The following SUPT6H variants were observed in gnomAD, a reference collection of about 807,000 sequenced individuals.
SUPT6H encodes the protein SPT6 homolog, histone chaperone and transcription elongation factor.
Under a neutral mutation model 222.3 loss-of-function variants are expected in SUPT6H, and 11 were observed. That is an observed-to-expected ratio of 0.05 (90% CI 0.03 to 0.08). SUPT6H has a LOEUF of 0.08. Ranked by LOEUF, SUPT6H falls within the 10% of genes least tolerant of loss-of-function variation. The pLI, the probability that SUPT6H is intolerant of heterozygous loss-of-function variation, is 1.00. For missense variants in SUPT6H, 1,422 were observed against 2,216.0 expected (o/e 0.64, Z 7.19); for synonymous variants, 762 against 801.2 (o/e 0.95, Z 0.83).
intron 1 of SUPT6H, 74 bp from the exon 2 acceptor site, chr17:28,673,297 T>G: frequency 2.4e-6 from 2 of 831,232 alleles, no homozygotes; most frequent in Non-Finnish European, 3.9e-6. Context: ...AAAAGGCTGT[T>G]TGTGGGAAGG....
Position 28,693,810 on chromosome 17 carries a change from G to A in SUPT6H, c.3748G>A (p.Val1250Ile), listed in dbSNP as rs1213277627. 6.2e-7 allele frequency: 1 copy of A among 1,614,086 alleles called. No homozygotes were observed. Among genetic ancestry groups the A allele is most frequent in the African/African-American group, 1.3e-5 (1 of 74,928 alleles). ...CACCAAATTCCTCAGTGACAAAGTG[G>A]TAAAGCGGCCAGAAGAACGAGTGAA... is the stretch of plus-strand genomic sequence containing the variant. ...IPTKFLSDKV[V>I]KRPEERVKVG... Residue 1250 changes from valine (V) to isoleucine (I), a missense_variant, in exon 28 of 37, where the codon GTA (valine) becomes ATA (isoleucine). Val to Ile is a conservative substitution (Grantham distance 29). Coordinates refer to ENST00000314616, the MANE Select transcript of SUPT6H (RefSeq NM_003170.5).
chr17:28,694,828 AC>A (rs35124039), intron 28 of SUPT6H, among the ~76,000 whole-genome samples: 3 of 152,028 alleles, frequency 2.0e-5, no homozygotes, highest in South Asian at 2.1e-4. Flanking sequence ...ACATGGTGAA[AC>A]CCCGTCTCTA....
At position 28,669,209 on chromosome 17, in the gene SUPT6H, T is replaced by G. The variant is rs182932537; in HGVS notation, c.-31-4162T>G. Among the ~76,000 whole-genome samples, 24 of 152,350 alleles carry G rather than the reference T, an allele frequency of 1.6e-4. 1 individual carries two copies. Among genetic ancestry groups the G allele is most frequent in the Admixed American group, 1.2e-3 (18 of 15,300 alleles). On this transcript the variant is annotated intron_variant, in intron 1 of 36. Transcript: ENST00000314616. ...CAGTAGTTTTTTGGGTTTTTTTGTT[T>G]GTTTGTTTGTTTTGAGACGGAGTCT...
intron 32 of SUPT6H, 37 bp from the exon 33 acceptor site, chr17:28,699,744 A>C (rs2032058350): frequency 6.4e-7 from 1 of 1,573,206 alleles, no homozygotes; most frequent in Non-Finnish European, 8.7e-7. Context: ...GTGGGTCCCA[A>C]GTGGTTTCTG....
chr17:28,687,403 C>T lies in SUPT6H; in HGVS notation c.2938C>T (p.Pro980Ser). 2 of 1,614,190 alleles carry T rather than the reference C, an allele frequency of 1.2e-6. No homozygotes were observed. Among genetic ancestry groups the T allele is most frequent in the Non-Finnish European group, 1.7e-6 (2 of 1,180,036 alleles). ...CGATGTCAACCGTGCCATTGCCCAC[C>T]CTTACAGCCAGGCCTTGATCCAGTA... ...GVDVNRAIAH[P>S]YSQALIQYVC... The change falls in exon 23 of 37, where the codon CCT (proline) becomes TCT (serine). Residue 980 changes from proline (P) to serine (S), a missense_variant. By Grantham distance (74) the Pro-to-Ser change is moderately conservative (BLOSUM62 -1). Coordinates refer to ENST00000314616, the MANE Select transcript of SUPT6H (RefSeq NM_003170.5).
In SUPT6H at chr17:28,701,682, A is replaced by G. The variant is rs1597725352; in HGVS notation, c.*57A>G. On this transcript the variant is annotated 3_prime_UTR_variant, in exon 37 of 37. Transcript: ENST00000314616. Reference sequence around the variant, plus strand: ...GAGGCTGGGAAAGGCCTGGCTGCCCACTGCCTCCCTCCCTGCCCCTCCTTT... The same window carrying G: ...GAGGCTGGGAAAGGCCTGGCTGCCCGCTGCCTCCCTCCCTGCCCCTCCTTT... 1.8e-5 allele frequency: 27 copies of G among 1,519,696 alleles called. No individual in the cohort carries two copies. In the South Asian group the frequency reaches 3.2e-4, roughly 18 times the overall value. The allele number at this position is 1,519,696 out of a possible 1,614,324, so 94.1% of individuals were successfully genotyped here.
At chr17:28,678,721 C>T in intron 10 of SUPT6H, 87 bp downstream of exon 10, 4 of 1,610,224 alleles carry the variant, frequency 2.5e-6, no homozygotes. Flanking sequence ...CCCCCCAGGC[C>T]TGTCTAGTCC....
At chr17:28,671,635 C>G (rs2030423914) in intron 1 of SUPT6H, among the ~76,000 whole-genome samples, 2 of 152,174 alleles carry the variant, frequency 1.3e-5, no homozygotes, top group African/African-American at 4.8e-5. Context: ...AAGATCCCTA[C>G]TGTCGTTTCC....
In SUPT6H at chr17:28,693,629, G is replaced by A. The variant is rs945560115; in HGVS notation, c.3634-67G>A. 3.2e-6 allele frequency: 5 copies of A among 1,586,012 alleles called. No individual in the cohort carries two copies. In the African/African-American group the frequency reaches 5.4e-5, roughly 17 times the overall value. On this transcript the variant is annotated intron_variant, in intron 27 of 36. Transcript: ENST00000314616. ...AAAAGAAATTACAACACCTCTGGGA[G>A]CTCTTTTCTGAATGAGCGATCTCCA...
intron 1 of SUPT6H, among the ~76,000 whole-genome samples, chr17:28,663,374 G>C (rs2072101515): frequency 6.6e-6 from 1 of 152,100 alleles, no homozygotes; most frequent in South Asian, 2.1e-4. Context: ...GATTGGATTA[G>C]CATAGCCTTG....
At position 28,674,353 on chromosome 17, in the gene SUPT6H, C is replaced by CGATGAT. The variant is rs758970671; in HGVS notation, c.186_191dup (p.Asp62_Asp63dup). 1 of 1,613,974 alleles carries CGATGAT rather than the reference C, an allele frequency of 6.2e-7. No homozygotes were observed. The highest frequency in any genetic ancestry group is 2.2e-5 in the East Asian group (1 of 44,880). On this transcript the variant is annotated inframe_insertion, in exon 3 of 37. Transcript: ENST00000314616. ...GCAACTTGAAAGGCTTTATCAATGA[C>CGATGAT]GATGATGATGAAGATGAAGGGGAGG...
rs557948630 is a variant in SUPT6H at position 28,689,606 on chromosome 17, T to C, written c.3342+45T>C. On this transcript the variant is annotated intron_variant, in intron 25 of 36. Transcript: ENST00000314616. ...GCCCGGCAGGAGAACCCATCCCAAG[T>C]GGCCAGGTTGGTAGGAGACTTGGGC... is the stretch of plus-strand genomic sequence containing the variant. 6.3e-6 allele frequency: 10 copies of C among 1,594,800 alleles called. No homozygotes were observed. The South Asian group carries it at 8.8e-5, about 14-fold the overall frequency.
Position 28,683,007 on chromosome 17 carries a change from G to A in SUPT6H, c.1793G>A (p.Arg598His), listed in dbSNP as rs779249107. The A allele has an allele frequency of 6.2e-6, 10 of 1,613,862 alleles. No homozygotes were observed. The highest frequency in any genetic ancestry group is 7.6e-6 in the Non-Finnish European group (9 of 1,179,956). Reference sequence around the variant, plus strand: ...TACATGGTAGCCCTGCAGATTGCCCGTGAGCCCCTTGTCCGGCAGGTGCTG... The same window carrying A: ...TACATGGTAGCCCTGCAGATTGCCCATGAGCCCCTTGTCCGGCAGGTGCTG... ...ARYMVALQIAREPLVRQVLRQ... is the reference protein window; with the variant it reads ...ARYMVALQIAHEPLVRQVLRQ... Residue 598 changes from arginine (R) to histidine (H), a missense_variant, in exon 15 of 37, where the codon CGT (arginine) becomes CAT (histidine). Transcript: ENST00000314616.
chr17:28,663,166 G>A (rs2072094955), intron 1 of SUPT6H, among the ~76,000 whole-genome samples: 1 of 152,190 alleles, frequency 6.6e-6, no homozygotes, highest in Admixed American at 6.5e-5. Context: ...AAACAATATT[G>A]AATTTGATTA....
At chr17:28,680,141 C>T (rs1477620479) in intron 11 of SUPT6H, among the ~76,000 whole-genome samples, 1 of 150,320 alleles carries the variant, frequency 6.7e-6, no homozygotes, top group Non-Finnish European at 1.5e-5. Flanking sequence ...CCCGTCTCTA[C>T]TAAAAATACA....
At chr17:28,689,585 G>C (rs370202592) in intron 25 of SUPT6H, 24 bp downstream of exon 25, 1 of 1,611,766 alleles carries the variant, frequency 6.2e-7, no homozygotes, top group Admixed American at 1.7e-5. Context: ...TGGAAGGCCC[G>C]GCAGGAGAAC....
intron 1 of SUPT6H, among the ~76,000 whole-genome samples, chr17:28,671,962 A>AT (rs2151611143): frequency 6.6e-6 from 1 of 152,318 alleles, no homozygotes; most frequent in Non-Finnish European, 1.5e-5. Context: ...CAGTCTTTCC[A>AT]TTTAACCATG....
chr17:28,671,596 G>A (rs1157606402), intron 1 of SUPT6H, among the ~76,000 whole-genome samples: 1 of 152,104 alleles, frequency 6.6e-6, no homozygotes, highest in Non-Finnish European at 1.5e-5. Context: ...CCTACTCAAG[G>A]CCCATCAAGC....
intron 1 of SUPT6H, among the ~76,000 whole-genome samples, chr17:28,668,661 T>A (rs1369042319): frequency 6.6e-6 from 1 of 152,178 alleles, no homozygotes; most frequent in African/African-American, 2.4e-5. Context: ...TTAAGTAGGC[T>A]GAGGGGCATC....
Sources: gnomAD v4.1 joint callset for allele counts (sites outside exome capture counted in the v4.1 genomes callset) on GRCh38, gnomAD v4.1.1 for gene constraint, MANE v1.5 for transcripts, NCBI Gene and HGNC (gene_info 2026-07-23, HGNC 2026-07-21) for gene names.